Variants in CNGA1 observed in about 807,000 individuals in gnomAD.
CNGA1 encodes cyclic nucleotide gated channel subunit alpha 1, also known as cyclic nucleotide-gated channel alpha-1.
CNGA1 carries 53 observed loss-of-function variants against 69.7 expected under a neutral mutation model. The observed-to-expected ratio is 0.76, with a 90% confidence interval of 0.61 to 0.96. The LOEUF (loss-of-function observed/expected upper bound fraction) is 0.96, where lower values mean the gene tolerates loss of function less well. Among genes scored for constraint, CNGA1 ranks in the 40% least tolerant of loss-of-function variants. CNGA1 has a pLI of 0.00. For synonymous variants in CNGA1, 249 were observed against 283.5 expected, an observed-to-expected ratio of 0.88 and a Z score of 1.22; for missense variants, 739 against 811.2, an observed-to-expected ratio of 0.91 and a Z score of 1.08.
chr4:47,955,208 A>G (rs1740010099), intron 3 of CNGA1, among the ~76,000 whole-genome samples: 1 of 113,994 alleles, frequency 8.8e-6, no homozygotes, highest in Non-Finnish European at 1.6e-5. Context: ...TTTGAGACAG[A>G]GTCTCACTCT....
At chr4:48,007,176 T>C (rs546879181) in intron 2 of CNGA1, among the ~76,000 whole-genome samples, 1 of 152,288 alleles carries the variant, frequency 6.6e-6, no homozygotes, top group East Asian at 1.9e-4. Flanking sequence ...ATAAATAATC[T>C]ATAAAATCTT....
chr4:48,011,090 T>A (rs1199965300), intron 1 of CNGA1, among the ~76,000 whole-genome samples, 197 bp from the exon 2 acceptor site: 1 of 152,134 alleles, frequency 6.6e-6, no homozygotes. Flanking sequence ...TTACCTCCTG[T>A]TTTTGCCTAA....
chr4:47,978,483 TCTAA>T (rs1047205294), intron 3 of CNGA1, among the ~76,000 whole-genome samples: 26 of 152,170 alleles, frequency 1.7e-4, no homozygotes, highest in African/African-American at 5.8e-4. Flanking sequence ...TATTATACCG[TCTAA>T]CTATTAATAA....
intron 1 of CNGA1, among the ~76,000 whole-genome samples, chr4:48,014,277 T>C (rs1715285931): frequency 6.6e-6 from 1 of 152,210 alleles, no homozygotes; most frequent in African/African-American, 2.4e-5. Context: ...TATAACGGTA[T>C]TCCCCAAAGT....
intron 5 of CNGA1, 75 bp from the exon 6 acceptor site, chr4:47,949,970 G>A: frequency 1.5e-6 from 2 of 1,316,350 alleles, no homozygotes; most frequent in Middle Eastern, 1.8e-4. Context: ...CAAATGGTCT[G>A]AAAAAACAAA....
At chr4:47,948,336 A>G (rs1739535069) in intron 6 of CNGA1, among the ~76,000 whole-genome samples, 1 of 152,190 alleles carries the variant, frequency 6.6e-6, no homozygotes, top group Non-Finnish European at 1.5e-5. Context: ...ATACTCTAGG[A>G]AGAAAAGGTG....
In CNGA1 at chr4:47,943,197, T is replaced by G; in HGVS notation, c.421A>C (p.Lys141Gln). The G allele has an allele frequency of 1.2e-6, 2 of 1,606,922 alleles. No homozygotes were observed. Among genetic ancestry groups the G allele is most frequent in the Non-Finnish European group, 1.7e-6 (2 of 1,176,076 alleles). The change falls in exon 8 of 11, where the codon AAA becomes CAA. Residue 141 changes from lysine to glutamine, a missense_variant. Transcript: ENST00000514170. ...KEKKKKEEKSKDKKEEEKKEV... is the reference protein window; with the variant it reads ...KEKKKKEEKSQDKKEEEKKEV... ...AGTGCTTACTCTTCTTTCTTATCTT[T>G]GCTTTTCTCCTCTTTCTTTTTCTTC...
At chr4:47,981,740 G>A (rs958811807) in intron 2 of CNGA1, among the ~76,000 whole-genome samples, 2 of 151,942 alleles carry the variant, frequency 1.3e-5, no homozygotes, top group African/African-American at 4.8e-5. Flanking sequence ...ATAAAAGAGG[G>A]GTTCTCAAAG....
At chr4:47,938,539 C>T (rs1056951091) in intron 10 of CNGA1, among the ~76,000 whole-genome samples, 9 of 151,980 alleles carry the variant, frequency 5.9e-5, no homozygotes, top group South Asian at 2.1e-4. Context: ...ACTACAGGCA[C>T]GTGCCACCAC....
chr4:48,013,964 C>T (rs1188921372), intron 1 of CNGA1, among the ~76,000 whole-genome samples: 2 of 152,154 alleles, frequency 1.3e-5, no homozygotes, highest in Non-Finnish European at 2.9e-5. Flanking sequence ...TCCCCAAGCT[C>T]GAAAGACCTG....
In CNGA1 at chr4:48,012,558, C is replaced by CTTTTTT. The variant is rs528643370; in HGVS notation, c.-222-1671_-222-1666dup. On this transcript the variant is annotated intron_variant, in intron 1 of 10. Coordinates refer to ENST00000514170, the MANE Select transcript of CNGA1 (RefSeq NM_001379270.1). ...GCCATTTTCCTCCCCACCACACCATCTTTTTTTTTTTTTTTTTTTTTTTTT... is the reference window on the plus strand; with the variant it reads ...GCCATTTTCCTCCCCACCACACCATCTTTTTTTTTTTTTTTTTTTTTTTTTTTTTTT... 1.0e-3 allele frequency among the ~76,000 whole-genome samples: 68 copies of CTTTTTT among 64,992 alleles called. 3 individuals are homozygous for CTTTTTT. Among genetic ancestry groups the CTTTTTT allele is most frequent in the African/African-American group, 2.6e-3 (39 of 15,104 alleles). The allele number at this position is 64,992 out of a possible 152,430, so 42.6% of individuals were successfully genotyped here.
intron 3 of CNGA1, among the ~76,000 whole-genome samples, chr4:47,965,406 C>A (rs1740665929): frequency 1.3e-5 from 2 of 151,230 alleles, no homozygotes; most frequent in African/African-American, 4.9e-5. Context: ...ATGATAAACA[C>A]TTCTTGGTTA....
intron 1 of CNGA1, among the ~76,000 whole-genome samples, chr4:48,014,947 C>A (rs930866560): frequency 4.0e-5 from 6 of 151,864 alleles, no homozygotes; most frequent in Admixed American, 3.3e-4. Flanking sequence ...CCGAGGTAGG[C>A]GGATCACGAG....
chr4:47,952,876 AG>A (rs1423451122), intron 3 of CNGA1, 173 bp from the exon 4 acceptor site: 1 of 381,130 alleles, frequency 2.6e-6, no homozygotes, highest in Non-Finnish European at 4.6e-6. Context: ...CCACATGGCT[AG>A]GGGGAGCCTC....
At chr4:48,013,534 G>C (rs1331667054) in intron 1 of CNGA1, among the ~76,000 whole-genome samples, 1 of 152,204 alleles carries the variant, frequency 6.6e-6, no homozygotes, top group African/African-American at 2.4e-5. Flanking sequence ...CCAGGTCATA[G>C]GTAGATAAGA....
rs181611074 is a variant in CNGA1 at position 47,981,058 on chromosome 4, T to G, written c.-15+335A>C. On this transcript the variant is annotated intron_variant, in intron 3 of 10. Coordinates refer to ENST00000514170, the MANE Select transcript of CNGA1 (RefSeq NM_001379270.1). ...TTGATAGTGTCCTATCTCCAAATTT[T>G]AGAAAGAAAAATCAGTATATGACAC... Among the ~76,000 whole-genome samples, 190 of 152,302 alleles carry G rather than the reference T, an allele frequency of 1.2e-3. 1 individual carries two copies. The highest frequency in any genetic ancestry group is 4.5e-3 in the African/African-American group (189 of 41,574).
chr4:47,937,752 G>A lies in CNGA1; in HGVS notation c.730C>T (p.Leu244Phe). ...GTTGGTATCAGTGACAGAACATCAA[G>A]TTTAAATTGCAAGTTGGATTTATAT... Reference protein sequence around the residue: ...NKYKSNLQFKLDVLSLIPTDL... With the variant: ...NKYKSNLQFKFDVLSLIPTDL... Residue 244 changes from leucine (L) to phenylalanine (F), a missense_variant, in exon 11 of 11, where the codon CTT (leucine) becomes TTT (phenylalanine). Leu to Phe is a conservative substitution (Grantham distance 22). Coordinates refer to ENST00000514170, the MANE Select transcript of CNGA1 (RefSeq NM_001379270.1). 1 of 1,613,728 alleles carries A rather than the reference G, an allele frequency of 6.2e-7. No homozygotes were observed. The highest frequency in any genetic ancestry group is 8.5e-7 in the Non-Finnish European group (1 of 1,179,776).
Position 47,995,564 on chromosome 4 carries a change from T to TA in CNGA1, c.-122-14065dup, listed in dbSNP as rs201747292. Among the ~76,000 whole-genome samples, 283 of 151,886 alleles carry TA rather than the reference T, an allele frequency of 1.9e-3. 2 individuals are homozygous for TA. Among genetic ancestry groups the TA allele is most frequent in the African/African-American group, 6.3e-3 (260 of 41,418 alleles). On this transcript the variant is annotated intron_variant, in intron 2 of 10. Transcript: ENST00000514170. ...CTTCACTTCTTGTATCATTTTTTTT[T>TA]ATTTCCTTAAATTGGGCTTCATCTT...
intron 5 of CNGA1, 73 bp from the exon 6 acceptor site, chr4:47,949,968 C>T (rs2110154936): frequency 7.4e-7 from 1 of 1,343,800 alleles, no homozygotes; most frequent in East Asian, 2.3e-5. Context: ...GGCAAATGGT[C>T]TGAAAAAACA....
Sources: allele counts gnomAD v4.1 joint callset (sites outside exome capture counted in the v4.1 genomes callset), GRCh38; gene constraint gnomAD v4.1.1; transcripts MANE v1.5; gene names NCBI Gene and HGNC (gene_info 2026-07-23, HGNC 2026-07-21).